The following PCGF5 variants were observed in gnomAD, a reference collection of about 807,000 sequenced individuals.
The protein encoded by PCGF5 is polycomb group ring finger 5.
Under a neutral mutation model 44.3 loss-of-function variants are expected in PCGF5, and 9 were observed. The ratio of observed to expected loss-of-function variants is 0.20; its 90% CI spans 0.12 to 0.35. The LOEUF (loss-of-function observed/expected upper bound fraction) is 0.35. Among genes scored for constraint, PCGF5 ranks in the 10% least tolerant of loss-of-function variants. The probability of loss-of-function intolerance (pLI) is 1.00; values close to 1 mark genes in which losing one functional copy is unlikely to be tolerated. For missense variants in PCGF5, 146 were observed against 305.3 expected (o/e 0.48, Z 3.89); for synonymous variants, 95 against 102.5 (o/e 0.93, Z 0.44).
upstream of PCGF5, among the ~76,000 whole-genome samples, chr10:91,162,496 G>T (rs950526056): frequency 1.3e-5 from 2 of 152,140 alleles, no homozygotes; most frequent in Non-Finnish European, 2.9e-5. Context: ...TCTGTGGGGG[G>T]AGAAGGTGCC....
intron 1 of PCGF5, among the ~76,000 whole-genome samples, chr10:91,206,806 G>A (rs4462250): frequency 0.93 from 140,972 of 152,214 alleles, 65,361 homozygotes; most frequent in African/African-American, 0.97. Flanking sequence ...TGCCTGGTAC[G>A]CTCTTCCCCC....
intron 6 of PCGF5, among the ~76,000 whole-genome samples, chr10:91,252,222 T>C (rs1455116328): frequency 6.6e-6 from 1 of 152,044 alleles, no homozygotes; most frequent in Non-Finnish European, 1.5e-5. Flanking sequence ...ATTGTTTATC[T>C]CTCTGTATTC....
upstream of PCGF5, among the ~76,000 whole-genome samples, chr10:91,217,235 G>A (rs549601007): frequency 9.9e-5 from 15 of 152,108 alleles, no homozygotes; most frequent in Admixed American, 5.9e-4. Context: ...GAGTTTCACC[G>A]TGTTAGCCAG....
chr10:91,184,961 G>T (rs1215656553), intron 1 of PCGF5, among the ~76,000 whole-genome samples: 7 of 152,196 alleles, frequency 4.6e-5, no homozygotes, highest in African/African-American at 1.7e-4. Flanking sequence ...GGAGACCCCA[G>T]TTGTGAGGTC....
intron 1 of PCGF5, among the ~76,000 whole-genome samples, chr10:91,167,890 A>G (rs1284830146): frequency 6.6e-6 from 1 of 152,240 alleles, no homozygotes. Flanking sequence ...AAGATACTAT[A>G]GAAGTGAATA....
In PCGF5 at chr10:91,223,215, A is replaced by G. The variant is rs183934027; in HGVS notation, c.112+232A>G. 2.4e-3 allele frequency among the ~76,000 whole-genome samples: 373 copies of G among 152,340 alleles called. 1 individual carries two copies. Among genetic ancestry groups the G allele is most frequent in the African/African-American group, 8.6e-3 (359 of 41,582 alleles). ...CTCTTATCACATTGTAAAATATTCTAAAAATCATAAGCATATTATCAGTTA... is the reference window on the plus strand; with the variant it reads ...CTCTTATCACATTGTAAAATATTCTGAAAATCATAAGCATATTATCAGTTA... On this transcript the variant is annotated intron_variant, in intron 2 of 9. Transcript: ENST00000336126.
chr10:91,249,033 G>A (rs556758061), intron 5 of PCGF5, among the ~76,000 whole-genome samples: 35 of 152,052 alleles, frequency 2.3e-4, no homozygotes, highest in Non-Finnish European at 8.8e-5. Context: ...GGAAGCTGAA[G>A]TAAGAAATAG....
intron 1 of PCGF5, among the ~76,000 whole-genome samples, chr10:91,211,609 G>A (rs1315493016): frequency 6.6e-6 from 1 of 152,172 alleles, no homozygotes; most frequent in East Asian, 1.9e-4. Flanking sequence ...ATCTTCATAG[G>A]AAGAGAGATT....
upstream of PCGF5, among the ~76,000 whole-genome samples, chr10:91,217,727 C>G (rs1388821937): frequency 6.6e-6 from 1 of 152,206 alleles, no homozygotes; most frequent in Non-Finnish European, 1.5e-5. Context: ...ATTTCCCTCC[C>G]TCTCCTCATC....
At position 91,201,987 on chromosome 10, in the gene PCGF5, G is replaced by A. The variant is rs1045281731; in HGVS notation, c.-183-20702G>A. Among the ~76,000 whole-genome samples, 8 of 152,180 alleles carry A rather than the reference G, an allele frequency of 5.3e-5. No homozygotes were observed. The South Asian group carries it at 1.7e-3, about 32-fold the overall frequency. ...AGGGTGGCATCAAGGGAGGGTCCTG[G>A]ACTTGGGAGCTACACTGTCCAGGAT... On this transcript the variant is annotated intron_variant, in intron 1 of 9. Transcript: ENST00000614189.
At chr10:91,199,179 CTG>C (rs1246749119) in intron 1 of PCGF5, among the ~76,000 whole-genome samples, 2 of 152,186 alleles carry the variant, frequency 1.3e-5, no homozygotes, top group Admixed American at 6.5e-5. Context: ...GTTCCAGAGT[CTG>C]TGAATTTTAT....
upstream of PCGF5, among the ~76,000 whole-genome samples, chr10:91,218,489 C>G (rs1430361624): frequency 6.6e-6 from 1 of 152,138 alleles, no homozygotes; most frequent in Non-Finnish European, 1.5e-5. Context: ...GGATAAGTAA[C>G]TGGTAAGGAG....
At position 91,278,280 on chromosome 10, in the gene PCGF5, G is replaced by T; in HGVS notation, c.735G>T (p.Met245Ile). The change falls in exon 10 of 10, where the codon ATG becomes ATT. Residue 245 changes from methionine (M) to isoleucine (I), a missense_variant. Around this residue, in one of 3 missense-constraint regions of PCGF5, gnomAD observed 4 missense variants for 19.5 expected, o/e 0.21. Transcript: ENST00000336126. ...QDGPLYQSYP[M>I]VLQYRPRIDF... is the part of the protein sequence containing the mutation. The stretch of plus-strand genomic sequence containing the variant: ...TCTTTATTTTGTAGTCATACCCTAT[G>T]GTACTGCAGTATCGACCAAGAATTG... 6.2e-7 allele frequency: 1 copy of T among 1,610,122 alleles called. No individual in the cohort carries two copies. The highest frequency in any genetic ancestry group is 8.5e-7 in the Non-Finnish European group (1 of 1,176,436).
In PCGF5 at chr10:91,222,132, CACTG is replaced by C. The variant is rs541240923; in HGVS notation, c.-183-554_-183-551del. On this transcript the variant is annotated intron_variant, in intron 1 of 9. Transcript: ENST00000336126. The stretch of plus-strand genomic sequence containing the variant: ...CATTTTTCTGTTTGTAAAGAGAAGA[CACTG>C]ACATTCGTTGATAAGAAGACCCAAC... Among the ~76,000 whole-genome samples, 329 of 152,258 alleles carry C rather than the reference CACTG, an allele frequency of 2.2e-3. 1 individual carries two copies. Among genetic ancestry groups the C allele is most frequent in the African/African-American group, 7.6e-3 (315 of 41,558 alleles).
intron 2 of PCGF5, among the ~76,000 whole-genome samples, chr10:91,234,059 G>C (rs565162094): frequency 2.6e-5 from 4 of 152,310 alleles, no homozygotes; most frequent in Non-Finnish European, 5.9e-5. Flanking sequence ...CTCACTCTCT[G>C]TGATACATAA....
rs558710551 is a variant in PCGF5 at position 91,190,267 on chromosome 10, G to A, written c.-184+27186G>A. ...TCTCATGATCCAGTCACCTTCCAAA[G>A]GTCTGACCTCTTAATCCCATCACCT... On this transcript the variant is annotated intron_variant, in intron 1 of 9. Coordinates refer to the PCGF5 transcript ENST00000614189. Among the ~76,000 whole-genome samples the A allele has an allele frequency of 6.6e-5, 10 of 152,264 alleles. No homozygotes were observed. The East Asian group carries it at 1.9e-3, about 29-fold the overall frequency.
At chr10:91,271,763 A>G (rs1332982759) in intron 9 of PCGF5, 66 bp downstream of exon 9, 1 of 1,336,398 alleles carries the variant, frequency 7.5e-7, no homozygotes. Flanking sequence ...CATTCATCCC[A>G]AACTCAATTC....
intron 6 of PCGF5, among the ~76,000 whole-genome samples, chr10:91,256,003 T>C (rs562201443): frequency 6.6e-6 from 1 of 152,198 alleles, no homozygotes; most frequent in African/African-American, 2.4e-5. Flanking sequence ...GTTATTTTTA[T>C]TGTTTTTAAA....
chr10:91,243,872 A>G (rs1281621189), intron 3 of PCGF5, among the ~76,000 whole-genome samples: 4 of 152,212 alleles, frequency 2.6e-5, no homozygotes, highest in Admixed American at 2.0e-4. Context: ...TTAAAATTAC[A>G]TATTTGACTC....
Sources: allele counts gnomAD v4.1 joint callset (sites outside exome capture counted in the v4.1 genomes callset), GRCh38; gene constraint gnomAD v4.1.1; regional missense constraint gnomAD v4.1.1; transcripts MANE v1.5; gene names NCBI Gene and HGNC (gene_info 2026-07-23, HGNC 2026-07-21).